The following CPAP variants were observed in gnomAD, a reference collection of about 807,000 sequenced individuals.
CPAP encodes centrosome assembly and centriole elongation protein.
chr13:24,918,835 G>A, the CPAP span, among the ~76,000 whole-genome samples: 7 of 152,082 alleles, frequency 4.6e-5, no homozygotes, highest in Non-Finnish European at 8.8e-5. Flanking sequence ...TTGCTGTCTC[G>A]AGGGTGACAG....
chr13:24,892,539 C>A, the CPAP span: 77 of 893,328 alleles, frequency 8.6e-5, no homozygotes, highest in South Asian at 9.8e-4. Context: ...ACTGCCCCCC[C>A]AGCCCCTGGC....
chr13:24,885,463 A>C, the CPAP span: 3 of 1,191,938 alleles, frequency 2.5e-6, no homozygotes, highest in Non-Finnish European at 3.8e-6. Context: ...GGGTTCTAGG[A>C]CTAGTGTTTA....
chr13:24,909,910 G>C, the CPAP span: 4 of 1,614,082 alleles, frequency 2.5e-6, no homozygotes, highest in East Asian at 4.5e-5. Flanking sequence ...AAATCTCCAT[G>C]AGCAGTTCTA....
At chr13:24,914,481 T>C in the CPAP span, among the ~76,000 whole-genome samples, 2 of 152,174 alleles carry the variant, frequency 1.3e-5, no homozygotes, top group African/African-American at 4.8e-5. Flanking sequence ...TAACAGTCCA[T>C]CATCAGCAAA....
the CPAP span, among the ~76,000 whole-genome samples, chr13:24,909,246 G>A: frequency 6.6e-6 from 1 of 152,198 alleles, no homozygotes; most frequent in Non-Finnish European, 1.5e-5. Flanking sequence ...AGGCATTATG[G>A]TTGGGTGCAG....
the CPAP span, among the ~76,000 whole-genome samples, chr13:24,929,007 C>T: frequency 6.8e-6 from 1 of 146,202 alleles, no homozygotes; most frequent in Non-Finnish European, 1.5e-5. Context: ...TTTTTGCTTT[C>T]TTTAAAAATA....
chr13:24,894,337 T>C, the CPAP span, among the ~76,000 whole-genome samples: 1 of 152,170 alleles, frequency 6.6e-6, no homozygotes, highest in Non-Finnish European at 1.5e-5. Context: ...TGAGTGGACT[T>C]TCTGTCAGAA....
chr13:24,884,614 C>A, the CPAP span: 1 of 769,552 alleles, frequency 1.3e-6, no homozygotes, highest in Non-Finnish European at 2.2e-6. Flanking sequence ...GTAGCAAACT[C>A]GTGATTTTCT....
the CPAP span, chr13:24,889,509 A>G: frequency 1.3e-6 from 1 of 783,596 alleles, no homozygotes; most frequent in Non-Finnish European, 2.1e-6. Context: ...GGTTTTGTTT[A>G]TTCATATTGT....
the CPAP span, chr13:24,906,922 T>A: frequency 6.2e-7 from 1 of 1,613,972 alleles, no homozygotes; most frequent in Non-Finnish European, 8.5e-7. Flanking sequence ...AAAATGGTTG[T>A]TTTGGTTTTG....
At chr13:24,907,059 A>G in the CPAP span, 1 of 1,605,892 alleles carries the variant, frequency 6.2e-7, no homozygotes, top group Non-Finnish European at 8.5e-7. Context: ...AAAGCCTTAG[A>G]ATGATTTAAT....
At chr13:24,906,584 A>C in the CPAP span, 1 of 1,614,166 alleles carries the variant, frequency 6.2e-7, no homozygotes, top group African/African-American at 1.3e-5. Flanking sequence ...CTGGTCTCTA[A>C]ACTGCCCATC....
the CPAP span, among the ~76,000 whole-genome samples, chr13:24,931,163 A>G: frequency 2.0e-5 from 3 of 151,298 alleles, no homozygotes; most frequent in Non-Finnish European, 4.4e-5. Context: ...ATCTTTTTCT[A>G]TGTTTCTTTT....
chr13:24,929,301 A>G, the CPAP span, among the ~76,000 whole-genome samples: 2,575 of 152,316 alleles, frequency 0.017, 74 homozygotes, highest in African/African-American at 0.059. Context: ...AGCTCAAGCA[A>G]TCCACCTGCC....
At chr13:24,919,211 C>T in the CPAP span, among the ~76,000 whole-genome samples, 2 of 151,842 alleles carry the variant, frequency 1.3e-5, no homozygotes, top group African/African-American at 2.4e-5. Context: ...ACGAAGTGAC[C>T]AAACAATTGT....
At chr13:24,889,819 G>A in the CPAP span, among the ~76,000 whole-genome samples, 1 of 151,846 alleles carries the variant, frequency 6.6e-6, no homozygotes, top group Non-Finnish European at 1.5e-5. Context: ...CCATGAGGAT[G>A]AGGTGGGGTG....
At chr13:24,914,099 A>C in the CPAP span, among the ~76,000 whole-genome samples, 1 of 152,168 alleles carries the variant, frequency 6.6e-6, no homozygotes, top group South Asian at 2.1e-4. Flanking sequence ...ATAAGTGCAA[A>C]GGGGAAAAAT....
chr13:24,914,001 T>C, the CPAP span, among the ~76,000 whole-genome samples: 1 of 152,254 alleles, frequency 6.6e-6, no homozygotes, highest in South Asian at 2.1e-4. Context: ...TTTTTGCCCC[T>C]GGGTACATAG....
At chr13:24,933,137 T>A in the CPAP span, 1 of 1,558,466 alleles carries the variant, frequency 6.4e-7, no homozygotes, top group South Asian at 1.1e-5. Flanking sequence ...AATCCTCAGG[T>A]ATTTCCAAAT....
Sources: gnomAD v4.1 joint callset for allele counts (sites outside exome capture counted in the v4.1 genomes callset) on GRCh38, gnomAD v4.1.1 for gene constraint, MANE v1.5 for transcripts, NCBI Gene and HGNC (gene_info 2026-07-23, HGNC 2026-07-21) for gene names.